Variants in ZSWIM6 observed in about 807,000 individuals in gnomAD.
ZSWIM6 encodes the protein zinc finger SWIM-type containing 6.
Under a neutral mutation model 113.2 loss-of-function variants are expected in ZSWIM6, and 9 were observed. The ratio of observed to expected loss-of-function variants is 0.08; its 90% CI spans 0.05 to 0.14. The LOEUF (loss-of-function observed/expected upper bound fraction) is 0.14, where lower values mean the gene tolerates loss of function less well. Ranked by LOEUF, ZSWIM6 falls within the 10% of genes least tolerant of loss-of-function variation. The pLI, the probability that ZSWIM6 is intolerant of heterozygous loss-of-function variation, is 1.00. For synonymous variants in ZSWIM6, 611 were observed against 606.5 expected (o/e 1.01, Z -0.11); for missense variants, 1,162 against 1,552.2 (o/e 0.75, Z 4.22).
intron 9 of ZSWIM6, among the ~76,000 whole-genome samples, chr5:61,532,537 A>T (rs988697247): frequency 6.6e-6 from 1 of 152,190 alleles, no homozygotes; most frequent in Non-Finnish European, 1.5e-5. Context: ...TGTTATATTC[A>T]TCTTATGTTC....
intron 1 of ZSWIM6, among the ~76,000 whole-genome samples, chr5:61,389,531 G>C (rs1256113530): frequency 7.2e-6 from 1 of 138,518 alleles, no homozygotes; most frequent in Non-Finnish European, 1.5e-5. Context: ...CATGAGCCCA[G>C]GCGACAGTGC....
At chr5:61,451,778 C>G (rs1015399944) in intron 1 of ZSWIM6, among the ~76,000 whole-genome samples, 4 of 151,974 alleles carry the variant, frequency 2.6e-5, no homozygotes, top group African/African-American at 9.7e-5. Flanking sequence ...TAGATTCATT[C>G]AAGAAAGATG....
chr5:61,409,344 T>C (rs574209098), intron 1 of ZSWIM6, among the ~76,000 whole-genome samples: 1 of 152,222 alleles, frequency 6.6e-6, no homozygotes, highest in East Asian at 1.9e-4. Flanking sequence ...CATTTCAGAA[T>C]TGCTACCAGA....
At position 61,332,776 on chromosome 5, in the gene ZSWIM6, G is replaced by C. The variant is rs1372259660; in HGVS notation, c.504G>C (p.Ser168=). Residue 168 remains serine (S), a synonymous_variant, in exon 1 of 14, where the codon TCG becomes TCC. Transcript: ENST00000252744. ...CCGCAACCTCGGCGGCCGCAACCTC[G>C]GCCGCCGCCGCCGCTGCCGCCGCCG... The part of the protein sequence containing the change: ...SPAATSAAAT[S]AAAAAAAAAA... The C allele has an allele frequency of 3.6e-5, 12 of 334,920 alleles. No homozygotes were observed. Among genetic ancestry groups the C allele is most frequent in the East Asian group, 3.1e-4 (1 of 3,214 alleles). The allele number at this position is 334,920 out of a possible 1,614,324, so 20.7% of individuals were successfully genotyped here.
rs762578604 is a variant in ZSWIM6, at chr5:61,494,309, C to A, written c.1232C>A (p.Thr411Asn). The part of the protein sequence containing the change: ...MRDSNGARML[T>N]LITEQFMADP... ...GACTCCAATGGGGCCCGCATGTTGA[C>A]CTTGATAACAGAGCAATTCATGGCT... Residue 411 changes from threonine (T) to asparagine (N), a missense_variant, in exon 4 of 14, where the codon ACC becomes AAC. Thr to Asn is a moderately conservative substitution (Grantham distance 65). This residue lies in a region of ZSWIM6 where 96 missense variants were observed against 240.3 expected (regional missense o/e 0.40). Transcript: ENST00000252744. 15 of 1,550,932 alleles carry A rather than the reference C, an allele frequency of 9.7e-6. 2 individuals carry two copies. Among genetic ancestry groups the A allele is most frequent in the Middle Eastern group, 1.7e-4 (1 of 5,990 alleles).
chr5:61,463,340 T>C (rs149157235), intron 1 of ZSWIM6, among the ~76,000 whole-genome samples: 32 of 152,352 alleles, frequency 2.1e-4, no homozygotes, highest in African/African-American at 7.0e-4. Context: ...TCATGAGTTA[T>C]ACATTCTTCA....
In ZSWIM6 at chr5:61,472,841, T is replaced by C. The variant is rs1169816429; in HGVS notation, c.837T>C (p.Ser279=). 6.4e-7 allele frequency: 1 copy of C among 1,551,646 alleles called. No individual in the cohort carries two copies. Among genetic ancestry groups the C allele is most frequent in the East Asian group, 2.4e-5 (1 of 40,936 alleles). ...ATTGTGCCCATGTTGTGGCACTGTC[T>C]TTATACCGCATCCGCAAGCCAGATC... ...IFYCAHVVAL[S]LYRIRKPDQV... The change falls in exon 2 of 14, where the codon TCT becomes TCC. Residue 279 remains serine (S), a synonymous_variant. Coordinates refer to ENST00000252744, the MANE Select transcript of ZSWIM6 (RefSeq NM_020928.2). This position sits in a 1 kb window ranked among gnomAD's most constrained non-coding sequence, Gnocchi z 4.1.
intron 1 of ZSWIM6, among the ~76,000 whole-genome samples, chr5:61,342,849 C>T (rs10062958): frequency 0.039 from 5,405 of 139,798 alleles, 332 homozygotes; most frequent in African/African-American, 0.13. Context: ...TACATTGTTA[C>T]GCAAATAATC....
intron 1 of ZSWIM6, among the ~76,000 whole-genome samples, chr5:61,433,433 G>A (rs116157206): frequency 1.9e-3 from 291 of 151,668 alleles, no homozygotes; most frequent in Middle Eastern, 6.8e-3. Flanking sequence ...TAATAGCTTA[G>A]CCTCTTGACC....
chr5:61,348,222 A>C (rs766777356), intron 1 of ZSWIM6, among the ~76,000 whole-genome samples: 1 of 152,228 alleles, frequency 6.6e-6, no homozygotes, highest in Middle Eastern at 3.2e-3. Flanking sequence ...CTGTCTCAAA[A>C]AAACAAAAAA....
chr5:61,453,918 C>T (rs1420142217), intron 1 of ZSWIM6, among the ~76,000 whole-genome samples: 1 of 152,040 alleles, frequency 6.6e-6, no homozygotes, highest in Non-Finnish European at 1.5e-5. Context: ...TTTAAAGCTT[C>T]ACCCACTAAT....
At chr5:61,333,402 G>A (rs1744311518) in intron 1 of ZSWIM6, among the ~76,000 whole-genome samples, 1 of 151,778 alleles carries the variant, frequency 6.6e-6, no homozygotes, top group Non-Finnish European at 1.5e-5. Context: ...GCCGCTCGGC[G>A]CTCCCCCCCT....
At chr5:61,406,381 C>T (rs998744269) in intron 1 of ZSWIM6, among the ~76,000 whole-genome samples, 1 of 152,046 alleles carries the variant, frequency 6.6e-6, no homozygotes, top group Non-Finnish European at 1.5e-5. Context: ...TTATAGGGAC[C>T]TGGTGTAGTA....
intron 1 of ZSWIM6, among the ~76,000 whole-genome samples, chr5:61,442,243 C>T (rs774955561): frequency 3.9e-5 from 6 of 152,096 alleles, no homozygotes; most frequent in African/African-American, 7.2e-5. Flanking sequence ...TTAACTTTCT[C>T]AAGTTCTAAG....
At chr5:61,509,049 C>A (rs1000490733) in intron 4 of ZSWIM6, among the ~76,000 whole-genome samples, 3 of 152,130 alleles carry the variant, frequency 2.0e-5, no homozygotes, top group African/African-American at 4.8e-5. Context: ...TCTCCAAATG[C>A]TAGTAACCCC....
At chr5:61,421,109 G>A (rs1302950985) in intron 1 of ZSWIM6, among the ~76,000 whole-genome samples, 2 of 151,932 alleles carry the variant, frequency 1.3e-5, no homozygotes, top group African/African-American at 4.8e-5. Context: ...TATTAGAGAT[G>A]GGGTTTTGCC....
rs1749440692 is a variant in ZSWIM6, at chr5:61,531,741, A to C, written c.2245+16A>C. Reference sequence around the variant, plus strand: ...CTATTAGAAGGTAGCCTGATACAGAAGTTTTCCACTTATTTAGCCAATTTG... The same window carrying C: ...CTATTAGAAGGTAGCCTGATACAGACGTTTTCCACTTATTTAGCCAATTTG... On this transcript the variant is annotated intron_variant, in intron 9 of 13. Coordinates refer to ENST00000252744, the MANE Select transcript of ZSWIM6 (RefSeq NM_020928.2). 6.5e-7 allele frequency: 1 copy of C among 1,549,368 alleles called. No individual in the cohort carries two copies. The highest frequency in any genetic ancestry group is 2.4e-5 in the East Asian group (1 of 40,880).
chr5:61,531,120 C>G (rs1749418081), intron 8 of ZSWIM6, among the ~76,000 whole-genome samples: 2 of 152,098 alleles, frequency 1.3e-5, no homozygotes, highest in Admixed American at 1.3e-4. Flanking sequence ...GTGGTGAGTG[C>G]AAGTCATCGT....
intron 4 of ZSWIM6, among the ~76,000 whole-genome samples, chr5:61,519,277 A>G (rs1198767428): frequency 6.6e-6 from 1 of 152,174 alleles, no homozygotes; most frequent in Non-Finnish European, 1.5e-5. Flanking sequence ...CAGTTTGTAC[A>G]CAGAATTCAG....
Sources: allele counts gnomAD v4.1 joint callset (sites outside exome capture counted in the v4.1 genomes callset), GRCh38; gene constraint gnomAD v4.1.1; regional missense constraint gnomAD v4.1.1; non-coding constraint Gnocchi (gnomAD v3.1); transcripts MANE v1.5; gene names NCBI Gene and HGNC (gene_info 2026-07-23, HGNC 2026-07-21).